COL19A1: variants seen among roughly 807,000 people sequenced by gnomAD.
The protein encoded by COL19A1 is collagen alpha-1(XIX) chain.
A neutral mutation model predicts 190.2 loss-of-function variants in COL19A1; 159 were observed. The observed-to-expected ratio is 0.84, with a 90% CI of 0.73 to 0.95. The LOEUF (loss-of-function observed/expected upper bound fraction) is 0.95. COL19A1 is among the 40% of genes least tolerant of loss of function. The pLI, the probability that COL19A1 is intolerant of heterozygous loss-of-function variation, is 0.00. For missense variants in COL19A1, 1,418 were observed against 1,431.9 expected, an observed-to-expected ratio of 0.99 and a Z score of 0.16; for synonymous variants, 509 against 458.9, an observed-to-expected ratio of 1.11 and a Z score of -1.39.
chr6:70,199,545 G>T (rs1583153425), intron 48 of COL19A1, 63 bp from the exon 49 acceptor site: 2 of 1,192,800 alleles, frequency 1.7e-6, no homozygotes, highest in South Asian at 2.5e-5. Flanking sequence ...CATGTATTTT[G>T]AAATTTTTTG....
At chr6:70,035,130 C>T (rs747185255) in intron 13 of COL19A1, among the ~76,000 whole-genome samples, 14 of 152,166 alleles carry the variant, frequency 9.2e-5, no homozygotes, top group South Asian at 4.1e-4. Context: ...TGGTACCCCA[C>T]GCTATACAGT....
intron 48 of COL19A1, 70 bp from the exon 49 acceptor site, chr6:70,199,538 G>T: frequency 1.8e-6 from 2 of 1,136,502 alleles, no homozygotes; most frequent in Non-Finnish European, 2.3e-6. Context: ...TTGATTTCAT[G>T]TATTTTGAAA....
intron 4 of COL19A1, among the ~76,000 whole-genome samples, chr6:69,908,246 T>A (rs1770689043): frequency 2.0e-5 from 3 of 152,156 alleles, no homozygotes; most frequent in Admixed American, 2.0e-4. Context: ...CCTTGCTGAG[T>A]GTTTTAGAAG....
chr6:69,953,401 T>C (rs1266340261), intron 9 of COL19A1, among the ~76,000 whole-genome samples: 2 of 152,008 alleles, frequency 1.3e-5, no homozygotes, highest in Non-Finnish European at 2.9e-5. Flanking sequence ...TTGTTGGCTT[T>C]ACTTGTTAAA....
intron 24 of COL19A1, 92 bp from the exon 25 acceptor site, chr6:70,144,826 G>C (rs1786507613): frequency 1.3e-6 from 1 of 779,604 alleles, no homozygotes; most frequent in African/African-American, 1.8e-5. Flanking sequence ...GACTGGCTAT[G>C]ATGACAACTT....
chr6:70,020,604 A>G (rs1778362728), intron 11 of COL19A1, among the ~76,000 whole-genome samples: 1 of 152,114 alleles, frequency 6.6e-6, no homozygotes, highest in Non-Finnish European at 1.5e-5. Context: ...ATATATATTC[A>G]TGCTATATAT....
At chr6:70,175,155 C>T (rs141982504) in intron 41 of COL19A1, among the ~76,000 whole-genome samples, 5 of 152,110 alleles carry the variant, frequency 3.3e-5, no homozygotes, top group Non-Finnish European at 5.9e-5. Flanking sequence ...ATTTTTCTAT[C>T]AGTTATTTTT....
At chr6:70,156,792 A>G in intron 34 of COL19A1, 69 bp downstream of exon 34, 1 of 1,299,392 alleles carries the variant, frequency 7.7e-7, no homozygotes, top group Non-Finnish European at 1.1e-6. Context: ...CAGAGTAAAA[A>G]TGTTAATTTT....
At chr6:69,933,938 A>G (rs1384218031) in intron 7 of COL19A1, among the ~76,000 whole-genome samples, 4 of 152,046 alleles carry the variant, frequency 2.6e-5, no homozygotes, top group Non-Finnish European at 5.9e-5. Flanking sequence ...GCATATGAAA[A>G]GTGCAAGTAA....
At chr6:69,999,856 T>C (rs993565445) in intron 11 of COL19A1, among the ~76,000 whole-genome samples, 3 of 152,192 alleles carry the variant, frequency 2.0e-5, no homozygotes, top group African/African-American at 7.2e-5. Flanking sequence ...AGTAGTACAC[T>C]ATATATGTAT....
At chr6:70,104,619 G>C (rs1259261386) in intron 16 of COL19A1, among the ~76,000 whole-genome samples, 1 of 152,138 alleles carries the variant, frequency 6.6e-6, no homozygotes, top group African/African-American at 2.4e-5. Context: ...TCTTTTAAAG[G>C]CATCAGTTTT....
intron 11 of COL19A1, among the ~76,000 whole-genome samples, chr6:69,996,442 A>G (rs1237445142): frequency 6.6e-6 from 1 of 152,202 alleles, no homozygotes; most frequent in Non-Finnish European, 1.5e-5. Flanking sequence ...CTCATCATGA[A>G]CAACAAAGCA....
chr6:69,978,505 AAG>A (rs1269684107), intron 11 of COL19A1, among the ~76,000 whole-genome samples: 1 of 152,010 alleles, frequency 6.6e-6, no homozygotes, highest in Non-Finnish European at 1.5e-5. Context: ...CCCGGAACCA[AAG>A]AGTTAATGAA....
rs1491154188 is a variant in COL19A1, at chr6:70,207,363, G to GTT, written c.*89_*90insTT. Reference sequence around the variant, plus strand: ...GTCAAACCCTCATCATCTGTGGGTTGCTTTTTTTTTTTTTTTTTTTTTTTG... The same window carrying GTT: ...GTCAAACCCTCATCATCTGTGGGTTGTTCTTTTTTTTTTTTTTTTTTTTTTTG... On this transcript the variant is annotated 3_prime_UTR_variant, in exon 51 of 51. Transcript: ENST00000620364. 3.4e-5 allele frequency: 14 copies of GTT among 409,356 alleles called. No individual in the cohort carries two copies. The highest frequency in any genetic ancestry group is 2.4e-4 in the South Asian group (3 of 12,302). 25.4% of individuals were successfully genotyped at this position (409,356 alleles called of 1,614,324 possible).
At chr6:70,135,661 G>T (rs965746223) in intron 18 of COL19A1, among the ~76,000 whole-genome samples, 1 of 152,182 alleles carries the variant, frequency 6.6e-6, no homozygotes, top group Non-Finnish European at 1.5e-5. Flanking sequence ...CCAGCAAAGA[G>T]ACCGGAATTG....
intron 36 of COL19A1, among the ~76,000 whole-genome samples, chr6:70,165,461 GACAC>G (rs1435312905): frequency 6.6e-6 from 1 of 152,162 alleles, no homozygotes. Context: ...CCCTCCTGCA[GACAC>G]AACACAGGTT....
chr6:69,941,543 A>C (rs917517514), intron 9 of COL19A1, among the ~76,000 whole-genome samples: 6 of 152,190 alleles, frequency 3.9e-5, no homozygotes, highest in African/African-American at 1.2e-4. Flanking sequence ...TTATCATCAC[A>C]TGCTACTTGT....
At chr6:70,035,230 T>A (rs538612071) in intron 13 of COL19A1, among the ~76,000 whole-genome samples, 9 of 152,150 alleles carry the variant, frequency 5.9e-5, no homozygotes, top group Non-Finnish European at 1.3e-4. Flanking sequence ...ATAAATAAAG[T>A]TCCTGGGAAA....
At chr6:69,927,673 G>C (rs1246941203) in intron 4 of COL19A1, among the ~76,000 whole-genome samples, 1 of 152,038 alleles carries the variant, frequency 6.6e-6, no homozygotes, top group Non-Finnish European at 1.5e-5. Flanking sequence ...ATATCTTGTT[G>C]AATAAGGAAA....
Sources: gnomAD v4.1 joint callset for allele counts (sites outside exome capture counted in the v4.1 genomes callset) on GRCh38, gnomAD v4.1.1 for gene constraint, MANE v1.5 for transcripts, NCBI Gene and HGNC (gene_info 2026-07-23, HGNC 2026-07-21) for gene names.